PDK1: variants seen among roughly 807,000 people sequenced by gnomAD.
PDK1 encodes pyruvate dehydrogenase kinase 1, also known as [Pyruvate dehydrogenase (acetyl-transferring)] kinase isozyme 1, mitochondrial.
PDK1 carries 39 observed loss-of-function variants against 54.2 expected under a neutral mutation model. The observed-to-expected ratio is 0.72, with a 90% confidence interval of 0.56 to 0.94. The LOEUF is 0.94. Among genes scored for constraint, PDK1 ranks in the 40% least tolerant of loss-of-function variants. The probability of loss-of-function intolerance (pLI) is 0.00; values close to 1 mark genes in which losing one functional copy is unlikely to be tolerated. For synonymous variants in PDK1, 221 were observed against 207.1 expected (o/e 1.07, Z -0.58); for missense variants, 552 against 566.0 (o/e 0.98, Z 0.25).
chr2:172,556,373 T>C (rs901782107), intron 1 of PDK1, 27 bp downstream of exon 1: 3 of 1,385,398 alleles, frequency 2.2e-6, no homozygotes, highest in Non-Finnish European at 1.9e-6. Context: ...ACCTTGGGCC[T>C]TTTTGCGCGG....
At chr2:172,714,209 C>T in the PDK1 span, among the ~76,000 whole-genome samples, 1 of 152,144 alleles carries the variant, frequency 6.6e-6, no homozygotes, top group Non-Finnish European at 1.5e-5. Context: ...TAAATAGTAA[C>T]AAAAGATATA....
At chr2:172,657,893 A>G in the PDK1 span, among the ~76,000 whole-genome samples, 1 of 152,214 alleles carries the variant, frequency 6.6e-6, no homozygotes, top group Admixed American at 6.5e-5. Flanking sequence ...TGTGCAAGAA[A>G]CATGATGCCG....
chr2:172,581,085 G>T (rs1264810560), intron 8 of PDK1, among the ~76,000 whole-genome samples: 1 of 152,106 alleles, frequency 6.6e-6, no homozygotes, highest in East Asian at 1.9e-4. Flanking sequence ...TAATTATATG[G>T]TATATAAATT....
At chr2:172,584,030 T>C (rs1054703757) in intron 8 of PDK1, among the ~76,000 whole-genome samples, 1 of 152,164 alleles carries the variant, frequency 6.6e-6, no homozygotes, top group African/African-American at 2.4e-5. Context: ...TGTATGTAAA[T>C]AAATTACTAA....
chr2:172,600,540 T>C lies in PDK1; in HGVS notation c.*4571T>C, dbSNP rs1691078121. 1.3e-5 allele frequency: 2 copies of C among 152,228 alleles called. No individual in the cohort carries two copies. The highest frequency in any genetic ancestry group is 1.3e-4 in the Admixed American group (2 of 15,276). The allele number at this position is 152,228 out of a possible 1,614,324, so 9.4% of individuals were successfully genotyped here. A position where few individuals can be genotyped will look rare whatever the true frequency, so the allele number is the denominator to read the frequency against. On this transcript the variant is annotated 3_prime_UTR_variant, in exon 11 of 11. Coordinates refer to ENST00000282077, the MANE Select transcript of PDK1 (RefSeq NM_002610.5). ...GGGGTAAATACCAAGGTTCTTGGTC[T>C]CATGGCCAAGGAGATCGAGGTCGCA... is the stretch of plus-strand genomic sequence containing the variant.
chr2:172,659,398 GTA>G, the PDK1 span, among the ~76,000 whole-genome samples: 92 of 152,284 alleles, frequency 6.0e-4, 1 homozygote, highest in South Asian at 0.013. Context: ...GTTCCATTCA[GTA>G]TATAAGTGTT....
At chr2:172,691,180 AAT>A in the PDK1 span, 2 of 150,136 alleles carry the variant, frequency 1.3e-5, no homozygotes, top group Non-Finnish European at 3.0e-5. Context: ...AGGGATTTCC[AAT>A]ATGCTTTCTG....
the PDK1 span, among the ~76,000 whole-genome samples, chr2:172,626,890 A>C: frequency 6.6e-6 from 1 of 152,266 alleles, no homozygotes; most frequent in Non-Finnish European, 1.5e-5. Context: ...TAGAAGGCAC[A>C]GTAAAATACA....
At chr2:172,565,141 T>A in intron 5 of PDK1, 68 bp downstream of exon 5, 1 of 904,720 alleles carries the variant, frequency 1.1e-6, no homozygotes, top group Non-Finnish European at 1.8e-6. Context: ...TTCTTACTAT[T>A]AAAACATCTA....
chr2:172,665,833 A>G, the PDK1 span, among the ~76,000 whole-genome samples: 94 of 152,322 alleles, frequency 6.2e-4, no homozygotes, highest in Admixed American at 2.2e-3. Context: ...CTGAGTGTCT[A>G]TGGAAATGGT....
At chr2:172,674,181 T>A in the PDK1 span, 2 of 152,526 alleles carry the variant, frequency 1.3e-5, no homozygotes, top group African/African-American at 4.8e-5. Context: ...GGAGGAGCTG[T>A]TTCTTTTGGT....
the PDK1 span, among the ~76,000 whole-genome samples, chr2:172,719,332 A>C: frequency 3.3e-5 from 5 of 152,316 alleles, no homozygotes; most frequent in African/African-American, 1.2e-4. Flanking sequence ...TAAATGGTTA[A>C]GAGAGGATAG....
At chr2:172,582,323 T>TGG (rs1403817320) in intron 8 of PDK1, among the ~76,000 whole-genome samples, 1 of 152,176 alleles carries the variant, frequency 6.6e-6, no homozygotes, top group African/African-American at 2.4e-5. Flanking sequence ...GAACTCTGGG[T>TGG]GAATACAGGG....
intron 9 of PDK1, among the ~76,000 whole-genome samples, chr2:172,586,853 T>G (rs1261775802): frequency 6.6e-6 from 1 of 152,214 alleles, no homozygotes; most frequent in African/African-American, 2.4e-5. Context: ...GCTTAAATTA[T>G]AATTGCTTTG....
intron 6 of PDK1, 34 bp from the exon 7 acceptor site, chr2:172,568,707 C>G: frequency 7.7e-7 from 1 of 1,293,640 alleles, no homozygotes; most frequent in South Asian, 1.2e-5. Context: ...GCACATCTCT[C>G]TGTACTTTCA....
chr2:172,717,480 G>A, the PDK1 span, among the ~76,000 whole-genome samples: 6 of 152,290 alleles, frequency 3.9e-5, no homozygotes, highest in Middle Eastern at 3.4e-3. Flanking sequence ...TAGTTACTAC[G>A]CTTCCTATTA....
At chr2:172,591,810 G>A (rs981632742) in intron 9 of PDK1, among the ~76,000 whole-genome samples, 3 of 152,290 alleles carry the variant, frequency 2.0e-5, no homozygotes, top group Admixed American at 1.3e-4. Flanking sequence ...ATAAGACCTC[G>A]TTCAGTCCAT....
chr2:172,625,355 C>T, the PDK1 span, among the ~76,000 whole-genome samples: 5 of 152,032 alleles, frequency 3.3e-5, no homozygotes, highest in Admixed American at 2.6e-4. Flanking sequence ...ATCCTTACTG[C>T]ATTATTGTAT....
chr2:172,637,197 G>A, the PDK1 span, among the ~76,000 whole-genome samples: 2 of 152,180 alleles, frequency 1.3e-5, no homozygotes, highest in Admixed American at 6.5e-5. Flanking sequence ...ATGTTTCCAA[G>A]TATTCTTTAG....
Sources: allele counts gnomAD v4.1 joint callset (sites outside exome capture counted in the v4.1 genomes callset), GRCh38; gene constraint gnomAD v4.1.1; transcripts MANE v1.5; gene names NCBI Gene and HGNC (gene_info 2026-07-23, HGNC 2026-07-21).